The following ATAD2B variants were observed in gnomAD, a reference collection of about 807,000 sequenced individuals.
The protein encoded by ATAD2B is ATPase family AAA domain-containing protein 2B.
In ATAD2B, 40 loss-of-function variants were observed where a neutral mutation model predicts 167.6. The observed-to-expected ratio is 0.24, with a 90% CI of 0.19 to 0.31. ATAD2B has a LOEUF of 0.31. Among genes scored for constraint, ATAD2B ranks in the 10% least tolerant of loss-of-function variants. ATAD2B has a pLI of 1.00. For missense variants in ATAD2B, 1,242 were observed against 1,757.2 expected, an observed-to-expected ratio of 0.71 and a Z score of 5.24; for synonymous variants, 579 against 596.5, an observed-to-expected ratio of 0.97 and a Z score of 0.43.
At chr2:23,842,338 C>T (rs1473745527) in intron 13 of ATAD2B, among the ~76,000 whole-genome samples, 1 of 152,082 alleles carries the variant, frequency 6.6e-6, no homozygotes, top group Non-Finnish European at 1.5e-5. Flanking sequence ...AAGAGGTCTA[C>T]TTGCAGGTTA....
chr2:23,721,141 G>GT, the ATAD2B span, among the ~76,000 whole-genome samples: 3 of 152,216 alleles, frequency 2.0e-5, no homozygotes, highest in Non-Finnish European at 4.4e-5. Flanking sequence ...AAACTGCTAT[G>GT]TGCCCTACCC....
chr2:23,751,408 A>T lies in ATAD2B; in HGVS notation c.*638T>A, dbSNP rs1675339841. ...CTTATTTTCAAGGTTGTGACCAAAG[A>T]AATATTTCTAATTTATTTGCTTCAA... On this transcript the variant is annotated 3_prime_UTR_variant, in exon 28 of 28. Transcript: ENST00000238789. 1 of 152,198 alleles carries T rather than the reference A, an allele frequency of 6.6e-6. No individual in the cohort carries two copies. The highest frequency in any genetic ancestry group is 2.1e-4 in the South Asian group (1 of 4,834). 9.4% of individuals were successfully genotyped at this position (152,198 alleles called of 1,614,324 possible).
the ATAD2B span, among the ~76,000 whole-genome samples, chr2:23,741,733 C>T: frequency 6.6e-6 from 1 of 152,120 alleles, no homozygotes; most frequent in African/African-American, 2.4e-5. Context: ...AGCTTCTGCA[C>T]AGCAAAAGAA....
At position 23,788,502 on chromosome 2, in the gene ATAD2B, C is replaced by G. The variant is rs1190824152; in HGVS notation, c.2776+10G>C. 6.2e-7 allele frequency: 1 copy of G among 1,611,268 alleles called. No individual in the cohort carries two copies. Among genetic ancestry groups the G allele is most frequent in the Admixed American group, 1.7e-5 (1 of 59,556 alleles). ...CCCTCCCATTTTCCTAAAGGCTTTACAAACTTTACCAGCATGTTTCCTTCG... is the reference window on the plus strand; with the variant it reads ...CCCTCCCATTTTCCTAAAGGCTTTAGAAACTTTACCAGCATGTTTCCTTCG... On this transcript the variant is annotated intron_variant, in intron 20 of 27. Coordinates refer to ENST00000238789, the MANE Select transcript of ATAD2B (RefSeq NM_017552.4).
At chr2:23,699,221 T>C in the ATAD2B span, among the ~76,000 whole-genome samples, 3 of 152,182 alleles carry the variant, frequency 2.0e-5, no homozygotes, top group African/African-American at 7.2e-5. Flanking sequence ...GACTGAGTTA[T>C]GACTGGTGTC....
At chr2:23,907,677 C>G (rs2150493548) in intron 1 of ATAD2B, among the ~76,000 whole-genome samples, 1 of 152,272 alleles carries the variant, frequency 6.6e-6, no homozygotes, top group Non-Finnish European at 1.5e-5. Context: ...GCCCCCATTG[C>G]CAAGTCAATC....
At chr2:23,867,641 T>C (rs916037534) in intron 10 of ATAD2B, among the ~76,000 whole-genome samples, 194 bp downstream of exon 10, 2 of 152,224 alleles carry the variant, frequency 1.3e-5, no homozygotes, top group African/African-American at 2.4e-5. Context: ...CTGTTACATA[T>C]TCCAGTAACA....
intron 19 of ATAD2B, among the ~76,000 whole-genome samples, chr2:23,791,140 T>G (rs907504581): frequency 7.2e-5 from 11 of 152,270 alleles, no homozygotes; most frequent in Non-Finnish European, 1.3e-4. Flanking sequence ...ATTCCATTTA[T>G]TGCTGAATAG....
intron 25 of ATAD2B, 166 bp from the exon 26 acceptor site, chr2:23,754,940 T>G (rs542168679): frequency 1.6e-6 from 1 of 622,982 alleles, no homozygotes; most frequent in Non-Finnish European, 2.5e-6. Context: ...AGATTTTTTA[T>G]TGGTAAGACT....
intron 22 of ATAD2B, among the ~76,000 whole-genome samples, chr2:23,781,950 C>T (rs1343515330): frequency 6.6e-6 from 1 of 152,120 alleles, no homozygotes; most frequent in Non-Finnish European, 1.5e-5. Context: ...GTAGCTAGGA[C>T]TACAAGTGCG....
chr2:23,793,851 T>C (rs146800880), intron 19 of ATAD2B, among the ~76,000 whole-genome samples: 1,666 of 152,346 alleles, frequency 0.011, 17 homozygotes, highest in Middle Eastern at 0.037. Flanking sequence ...CTTTTATGTA[T>C]GTGAGCTATA....
At chr2:23,777,255 T>C (rs895037337) in intron 22 of ATAD2B, among the ~76,000 whole-genome samples, 1 of 152,244 alleles carries the variant, frequency 6.6e-6, no homozygotes, top group Admixed American at 6.5e-5. Context: ...CATTTTGTTA[T>C]GGTAGCACTA....
At chr2:23,884,315 T>C (rs892148959) in intron 6 of ATAD2B, among the ~76,000 whole-genome samples, 4 of 152,196 alleles carry the variant, frequency 2.6e-5, no homozygotes, top group Non-Finnish European at 4.4e-5. Context: ...AACAGTATAG[T>C]CCCTTTCCAC....
At chr2:23,694,219 C>T in the ATAD2B span, among the ~76,000 whole-genome samples, 1 of 152,260 alleles carries the variant, frequency 6.6e-6, no homozygotes, top group African/African-American at 2.4e-5. Flanking sequence ...CGAAAGCCTA[C>T]ACCTCTTCCT....
At chr2:23,713,705 G>A in the ATAD2B span, among the ~76,000 whole-genome samples, 1 of 151,990 alleles carries the variant, frequency 6.6e-6, no homozygotes, top group Non-Finnish European at 1.5e-5. Flanking sequence ...ACTTAACAAA[G>A]TATTCTCAAG....
intron 24 of ATAD2B, among the ~76,000 whole-genome samples, chr2:23,759,789 T>C (rs1326588263): frequency 6.6e-6 from 1 of 152,208 alleles, no homozygotes; most frequent in East Asian, 1.9e-4. Context: ...ACTGTTAAAA[T>C]CTGGTACACA....
chr2:23,680,903 A>G, the ATAD2B span, among the ~76,000 whole-genome samples: 1 of 152,222 alleles, frequency 6.6e-6, no homozygotes, highest in Non-Finnish European at 1.5e-5. This position sits in a 1 kb window ranked among gnomAD's most constrained non-coding sequence, Gnocchi z 4.1. Context: ...CTGAAGACCC[A>G]GCCCCGAGGC....
intron 17 of ATAD2B, among the ~76,000 whole-genome samples, chr2:23,812,848 C>CAAAA (rs71402512): frequency 3.1e-5 from 4 of 129,824 alleles, no homozygotes; most frequent in African/African-American, 5.8e-5. Flanking sequence ...GACTCAGTCT[C>CAAAA]AAAAAAAAAA....
the ATAD2B span, among the ~76,000 whole-genome samples, chr2:23,703,008 C>T: frequency 2.6e-5 from 4 of 152,224 alleles, no homozygotes; most frequent in African/African-American, 4.8e-5. Context: ...CTAGTTTGGA[C>T]GAGACCCCAG....
Sources: allele counts gnomAD v4.1 joint callset (sites outside exome capture counted in the v4.1 genomes callset), GRCh38; gene constraint gnomAD v4.1.1; non-coding constraint Gnocchi (gnomAD v3.1); transcripts MANE v1.5; gene names NCBI Gene and HGNC (gene_info 2026-07-23, HGNC 2026-07-21).